The following ZSWIM5 variants were observed in gnomAD, a reference collection of about 807,000 sequenced individuals.
The protein encoded by ZSWIM5 is zinc finger SWIM-type containing 5.
ZSWIM5 carries 55 observed loss-of-function variants against 119.6 expected under a neutral mutation model. That is an observed-to-expected ratio of 0.46 (90% CI 0.37 to 0.58). The LOEUF is 0.58. ZSWIM5 is among the 20% of genes least tolerant of loss of function. The pLI is 0.00. For synonymous variants in ZSWIM5, 537 were observed against 606.9 expected (o/e 0.88, Z 1.69); for missense variants, 1,193 against 1,512.8 (o/e 0.79, Z 3.51).
intron 1 of ZSWIM5, among the ~76,000 whole-genome samples, chr1:45,161,303 C>G (rs773353950): frequency 6.6e-6 from 1 of 152,050 alleles, no homozygotes; most frequent in Non-Finnish European, 1.5e-5. Context: ...AATGGTAGTT[C>G]TATTTTAGTT....
At chr1:45,187,442 A>G (rs1177662195) in intron 1 of ZSWIM5, among the ~76,000 whole-genome samples, 2 of 152,192 alleles carry the variant, frequency 1.3e-5, no homozygotes, top group African/African-American at 4.8e-5. Flanking sequence ...AGTCAACTCA[A>G]AATGAAACAT....
rs1645667983 is a variant in ZSWIM5 at position 45,133,057 on chromosome 1, A to G, written c.596-44820T>C. Among the ~76,000 whole-genome samples, 3 of 152,220 alleles carry G rather than the reference A, an allele frequency of 2.0e-5. No individual in the cohort carries two copies. The South Asian group carries it at 6.2e-4, about 31-fold the overall frequency. The stretch of plus-strand genomic sequence containing the variant: ...GTTCCAAGTCTTTGCTACTGTGAAT[A>G]GTGCCACAATAAACATATGTGTGCA... On this transcript the variant is annotated intron_variant, in intron 1 of 13. Coordinates refer to ENST00000359600, the MANE Select transcript of ZSWIM5 (RefSeq NM_020883.2).
Position 45,036,219 on chromosome 1 carries a change from A to C in ZSWIM5, c.1975T>G (p.Ser659Ala). ...GSPNSSESYL[S>A]LALEVALMGL... Reference sequence around the variant, plus strand: ...ATCAGTGCAACTTCCAGGGCCAATGACAGGTAGGACTCACTGCTGTTTGGG... The same window carrying C: ...ATCAGTGCAACTTCCAGGGCCAATGCCAGGTAGGACTCACTGCTGTTTGGG... Residue 659 changes from serine to alanine, a missense_variant, in exon 9 of 14, where the codon TCA (serine) becomes GCA (alanine). Around this residue, in one of 2 missense-constraint regions of ZSWIM5, gnomAD observed 961 missense variants for 1,290.0 expected, o/e 0.74. Transcript: ENST00000359600. The C allele has an allele frequency of 2.5e-6, 4 of 1,614,130 alleles. No individual in the cohort carries two copies. The highest frequency in any genetic ancestry group is 3.4e-6 in the Non-Finnish European group (4 of 1,180,036).
At chr1:45,145,345 C>CAA (rs75896780) in intron 1 of ZSWIM5, among the ~76,000 whole-genome samples, 10 of 95,106 alleles carry the variant, frequency 1.1e-4, no homozygotes, top group Non-Finnish European at 1.4e-4. Flanking sequence ...GTTACGTTAA[C>CAA]AAAAAAAAAA....
At chr1:45,174,748 G>A (rs1645969226) in intron 1 of ZSWIM5, among the ~76,000 whole-genome samples, 1 of 151,664 alleles carries the variant, frequency 6.6e-6, no homozygotes, top group Non-Finnish European at 1.5e-5. Flanking sequence ...TCAAAAAAAA[G>A]AAAAAGATTA....
intron 1 of ZSWIM5, among the ~76,000 whole-genome samples, chr1:45,092,617 A>G (rs895222569): frequency 8.0e-6 from 1 of 124,820 alleles, no homozygotes; most frequent in Non-Finnish European, 1.6e-5. Context: ...GGTTAGTTTT[A>G]TGTGTTAATT....
chr1:45,020,199 C>T (rs1644878438), intron 12 of ZSWIM5, 52 bp from the exon 13 acceptor site: 2 of 1,442,706 alleles, frequency 1.4e-6, no homozygotes, highest in Admixed American at 1.7e-5. Flanking sequence ...GTTGTGACCT[C>T]TCCCTCCCCT....
intron 1 of ZSWIM5, among the ~76,000 whole-genome samples, chr1:45,182,360 C>T (rs1240802009): frequency 2.0e-5 from 3 of 150,406 alleles, no homozygotes; most frequent in African/African-American, 7.4e-5. Context: ...GCGGAGATCG[C>T]GCCACAGCAC....
intron 2 of ZSWIM5, among the ~76,000 whole-genome samples, chr1:45,078,754 T>C (rs1329149099): frequency 2.6e-5 from 4 of 152,166 alleles, no homozygotes; most frequent in Non-Finnish European, 4.4e-5. Context: ...GTCCTTCTCT[T>C]CAGGATGGGG....
chr1:45,205,328 G>C (rs1427303173), intron 1 of ZSWIM5, among the ~76,000 whole-genome samples: 1 of 152,114 alleles, frequency 6.6e-6, no homozygotes, highest in Non-Finnish European at 1.5e-5. Flanking sequence ...GACTCAATCG[G>C]CTAGGGCTAT....
intron 1 of ZSWIM5, among the ~76,000 whole-genome samples, chr1:45,149,041 CA>C (rs1269275902): frequency 6.6e-6 from 1 of 152,110 alleles, no homozygotes; most frequent in African/African-American, 2.4e-5. Flanking sequence ...AGCCAAGACG[CA>C]AGGACTTCTT....
intron 1 of ZSWIM5, among the ~76,000 whole-genome samples, chr1:45,190,587 G>T (rs1476904312): frequency 6.6e-6 from 1 of 152,176 alleles, no homozygotes; most frequent in Non-Finnish European, 1.5e-5. Flanking sequence ...CAGAGGAAAT[G>T]TAGCGCTCGG....
At chr1:45,197,636 T>C (rs1192980490) in intron 1 of ZSWIM5, among the ~76,000 whole-genome samples, 2 of 152,192 alleles carry the variant, frequency 1.3e-5, no homozygotes, top group Non-Finnish European at 2.9e-5. Flanking sequence ...TATGTGAACA[T>C]ATGAGGGTCT....
intron 1 of ZSWIM5, among the ~76,000 whole-genome samples, chr1:45,107,785 CTTTCT>C (rs544209222): frequency 3.0e-4 from 45 of 151,360 alleles, no homozygotes; most frequent in Middle Eastern, 3.4e-3. Context: ...CCTTTTCTTT[CTTTCT>C]TTTCTTTTCT....
chr1:45,148,923 A>G (rs1024916230), intron 1 of ZSWIM5, among the ~76,000 whole-genome samples: 1 of 152,228 alleles, frequency 6.6e-6, no homozygotes, highest in African/African-American at 2.4e-5. Context: ...ACACACCATA[A>G]GATCACAGCT....
chr1:45,189,527 A>G (rs1646078743), intron 1 of ZSWIM5, among the ~76,000 whole-genome samples: 1 of 152,084 alleles, frequency 6.6e-6, no homozygotes, highest in Admixed American at 6.6e-5. Context: ...AGGCCGAGGT[A>G]GGTGGATCAC....
At position 45,206,109 on chromosome 1, in the gene ZSWIM5, C is replaced by A. The variant is rs1379065031; in HGVS notation, c.242G>T (p.Arg81Leu). 2 of 1,611,720 alleles carry A rather than the reference C, an allele frequency of 1.2e-6. No homozygotes were observed. Among genetic ancestry groups the A allele is most frequent in the Non-Finnish European group, 1.7e-6 (2 of 1,179,408 alleles). Residue 81 changes from arginine (R) to leucine (L), a missense_variant, in exon 1 of 14, where the codon CGG (arginine) becomes CTG (leucine). Physicochemically the swap from Arg to Leu is moderately radical, Grantham distance 102 (BLOSUM62 -2). Around this residue, in one of 2 missense-constraint regions of ZSWIM5, gnomAD observed 232 missense variants for 222.9 expected, o/e 1.04. Transcript: ENST00000359600. ...GATCCGCTCGAAGCGCTCCTCCACC[C>A]GTTCGTATGCCCACTTTTCCGCCAC... ...KTVAEKWAYERVEERFERIPE... is the reference protein window; with the variant it reads ...KTVAEKWAYELVEERFERIPE...
chr1:45,068,407 A>G (rs1029200933), intron 2 of ZSWIM5, among the ~76,000 whole-genome samples: 6 of 151,788 alleles, frequency 4.0e-5, no homozygotes, highest in Non-Finnish European at 8.8e-5. Flanking sequence ...TGCCTGGCTG[A>G]TAAGTGGTAA....
intron 4 of ZSWIM5, among the ~76,000 whole-genome samples, chr1:45,054,495 T>C (rs1037657454): frequency 4.0e-5 from 6 of 151,844 alleles, no homozygotes; most frequent in African/African-American, 1.5e-4. Flanking sequence ...GGCAGAAGAA[T>C]TGAGTGAACC....
Sources: allele counts gnomAD v4.1 joint callset (sites outside exome capture counted in the v4.1 genomes callset), GRCh38; gene constraint gnomAD v4.1.1; regional missense constraint gnomAD v4.1.1; transcripts MANE v1.5; gene names NCBI Gene and HGNC (gene_info 2026-07-23, HGNC 2026-07-21).